PCNX2: variants seen among roughly 807,000 people sequenced by gnomAD.
PCNX2 encodes pecanex-like protein 2.
PCNX2 carries 168 observed loss-of-function variants against 223.8 expected under a neutral mutation model. The ratio of observed to expected loss-of-function variants is 0.75; its 90% CI spans 0.66 to 0.85. The LOEUF (loss-of-function observed/expected upper bound fraction) is 0.85, where lower values mean the gene tolerates loss of function less well. PCNX2 is among the 40% of genes least tolerant of loss of function. The pLI, the probability that PCNX2 is intolerant of heterozygous loss-of-function variation, is 0.00. For missense variants in PCNX2, 2,507 were observed against 2,675.5 expected (o/e 0.94, Z 1.39); for synonymous variants, 1,006 against 1,052.6 (o/e 0.96, Z 0.86).
At chr1:233,325,648 C>A in the PCNX2 span, among the ~76,000 whole-genome samples, 1 of 152,122 alleles carries the variant, frequency 6.6e-6, no homozygotes, top group Non-Finnish European at 1.5e-5. Flanking sequence ...GAGAATGTGA[C>A]TGAATTGCTA....
chr1:233,222,542 TA>T (rs200533523), intron 10 of PCNX2, among the ~76,000 whole-genome samples: 2 of 150,142 alleles, frequency 1.3e-5, no homozygotes, highest in African/African-American at 2.4e-5. Context: ...TGTGAGAAGT[TA>T]AAAAAAAATA....
the PCNX2 span, among the ~76,000 whole-genome samples, chr1:233,323,175 G>A: frequency 6.6e-6 from 1 of 152,204 alleles, no homozygotes; most frequent in Non-Finnish European, 1.5e-5. Context: ...AAGGCTGTTT[G>A]TGGTGTTGAT....
chr1:233,225,581 T>C (rs1256114625), intron 10 of PCNX2, among the ~76,000 whole-genome samples: 1 of 152,218 alleles, frequency 6.6e-6, no homozygotes, highest in Non-Finnish European at 1.5e-5. Context: ...AGAAAGGTGA[T>C]TAAAATAATG....
At chr1:233,202,063 G>A (rs1271117966) in intron 13 of PCNX2, 3 of 396,718 alleles carry the variant, frequency 7.6e-6, no homozygotes, top group Non-Finnish European at 1.5e-5. Flanking sequence ...TGTCGTGGAG[G>A]TGGAATGGGA....
chr1:232,985,944 C>A, intron 33 of PCNX2, 148 bp downstream of exon 33: 1 of 864,320 alleles, frequency 1.2e-6, no homozygotes, highest in Non-Finnish European at 1.9e-6. Context: ...TGTCTAATCA[C>A]TGTCCTTTGT....
intron 28 of PCNX2, among the ~76,000 whole-genome samples, chr1:233,014,133 T>G (rs1031022170): frequency 3.3e-5 from 5 of 152,148 alleles, no homozygotes; most frequent in Non-Finnish European, 5.9e-5. Context: ...TTCTGTTCTT[T>G]AAAAAGACAG....
At chr1:233,089,900 T>A (rs1397315531) in intron 23 of PCNX2, 161 bp downstream of exon 23, 1 of 1,414,930 alleles carries the variant, frequency 7.1e-7, no homozygotes, top group Non-Finnish European at 9.2e-7. Flanking sequence ...ACCCAAGAGC[T>A]GAGTCAATGA....
intron 32 of PCNX2, 149 bp from the exon 33 acceptor site, chr1:232,986,689 A>T (rs1669502035): frequency 1.4e-6 from 1 of 740,042 alleles, no homozygotes; most frequent in Non-Finnish European, 2.0e-6. Context: ...TGGAAGCCTG[A>T]CCACTGCCTC....
chr1:233,121,880 C>T (rs1056307144), intron 21 of PCNX2, among the ~76,000 whole-genome samples: 5 of 152,078 alleles, frequency 3.3e-5, no homozygotes, highest in African/African-American at 1.2e-4. Flanking sequence ...ACATATATTT[C>T]CTTGCTCTTT....
At chr1:233,274,950 A>T (rs76645537) in intron 1 of PCNX2, among the ~76,000 whole-genome samples, 1,541 of 152,354 alleles carry the variant, frequency 0.01, 14 homozygotes, top group South Asian at 0.028. Flanking sequence ...ACAGAAGTAG[A>T]ACCAGCAATG....
chr1:233,042,756 G>T (rs571813856), intron 25 of PCNX2, among the ~76,000 whole-genome samples: 2 of 152,320 alleles, frequency 1.3e-5, no homozygotes, highest in African/African-American at 4.8e-5. Context: ...TGTATATTCT[G>T]ATAGAAAGTG....
intron 32 of PCNX2, among the ~76,000 whole-genome samples, chr1:232,992,431 G>C (rs1669734638): frequency 6.6e-6 from 1 of 152,218 alleles, no homozygotes; most frequent in African/African-American, 2.4e-5. Flanking sequence ...GTCATGCTGG[G>C]CAGAGACATG....
intron 5 of PCNX2, 36 bp downstream of exon 5, chr1:233,257,992 T>C (rs369278976): frequency 1.4e-5 from 22 of 1,587,730 alleles, no homozygotes; most frequent in African/African-American, 5.4e-5. Context: ...TTGCCTTCTA[T>C]GTCATCATCA....
intron 10 of PCNX2, among the ~76,000 whole-genome samples, chr1:233,223,504 T>A (rs1267006019): frequency 1.3e-5 from 2 of 152,154 alleles, no homozygotes; most frequent in African/African-American, 4.8e-5. Context: ...TGCAGGTTTT[T>A]TACATAGGTA....
At chr1:233,119,599 A>AAAAC (rs1675647506) in intron 21 of PCNX2, among the ~76,000 whole-genome samples, 1 of 98,858 alleles carries the variant, frequency 1.0e-5, no homozygotes. Context: ...AAAAAAAAAC[A>AAAAC]AAAACAAAAA....
At chr1:233,086,205 G>A (rs75402573) in intron 23 of PCNX2, among the ~76,000 whole-genome samples, 2 of 152,090 alleles carry the variant, frequency 1.3e-5, no homozygotes, top group Admixed American at 1.3e-4. Context: ...GGAGAGGTTC[G>A]GAATGGAAAT....
At chr1:233,251,281 A>C (rs935920290) in intron 7 of PCNX2, among the ~76,000 whole-genome samples, 2 of 152,164 alleles carry the variant, frequency 1.3e-5, no homozygotes, top group African/African-American at 4.8e-5. Flanking sequence ...ACCGCATGAG[A>C]CCATCTCTGC....
At position 233,017,158 on chromosome 1, in the gene PCNX2, CA is replaced by C. The variant is rs752782431; in HGVS notation, c.4606-5del. 71 of 1,579,684 alleles carry C rather than the reference CA, an allele frequency of 4.5e-5. No homozygotes were observed. In the African/African-American group the frequency reaches 8.9e-4, roughly 20 times the overall value. ...TTACCATATAGTATATTATACTCTGCAGAGAAAAAGCCAGGAAGATTTTATT... is the reference window on the plus strand; with the variant it reads ...TTACCATATAGTATATTATACTCTGCGAGAAAAAGCCAGGAAGATTTTATT... On this transcript the variant is annotated splice_region_variant and splice_polypyrimidine_tract_variant and intron_variant, in intron 26 of 33. Coordinates refer to ENST00000258229, the MANE Select transcript of PCNX2 (RefSeq NM_014801.4).
chr1:233,045,121 CTACCCCAGT>C (rs1671782318), intron 25 of PCNX2, among the ~76,000 whole-genome samples: 1 of 152,194 alleles, frequency 6.6e-6, no homozygotes, highest in Non-Finnish European at 1.5e-5. Flanking sequence ...TGCACCAGAA[CTACCCCAGT>C]TATTTTTTGT....
Sources: allele counts gnomAD v4.1 joint callset (sites outside exome capture counted in the v4.1 genomes callset), GRCh38; gene constraint gnomAD v4.1.1; transcripts MANE v1.5; gene names NCBI Gene and HGNC (gene_info 2026-07-23, HGNC 2026-07-21).